ANK2: variants seen among roughly 807,000 people sequenced by gnomAD.
ANK2 encodes ankyrin 2, also known as ankyrin-2.
ANK2 carries 83 observed loss-of-function variants against 360.5 expected under a neutral mutation model. The ratio of observed to expected loss-of-function variants is 0.23; its 90% confidence interval spans 0.19 to 0.28. ANK2 has a LOEUF of 0.28. ANK2 is among the 10% of genes least tolerant of loss of function. The pLI is 1.00. For missense variants in ANK2, 4,201 were observed against 4,795.7 expected (o/e 0.88, Z 3.66); for synonymous variants, 1,740 against 1,759.5 (o/e 0.99, Z 0.28).
intron 2 of ANK2, among the ~76,000 whole-genome samples, chr4:113,188,268 T>C (rs148671172): frequency 6.6e-6 from 1 of 152,360 alleles, no homozygotes; most frequent in African/African-American, 2.4e-5. Flanking sequence ...ATGAAGTTTC[T>C]AATTAATTGT....
At chr4:113,285,938 C>CA (rs1454737298) in intron 18 of ANK2, among the ~76,000 whole-genome samples, 1 of 152,158 alleles carries the variant, frequency 6.6e-6, no homozygotes, top group Non-Finnish European at 1.5e-5. Context: ...CAACTGTGGA[C>CA]AAAAACCTAT....
At chr4:112,816,005 C>T (rs1042710865), upstream of ANK2, among the ~76,000 whole-genome samples, 8 of 152,166 alleles carry the variant, frequency 5.3e-5, no homozygotes, top group African/African-American at 9.7e-5. Context: ...CGGAGTCAGT[C>T]GTGGGAACCC....
At chr4:112,885,672 C>T (rs1333733934) in intron 1 of ANK2, among the ~76,000 whole-genome samples, 1 of 151,374 alleles carries the variant, frequency 6.6e-6, no homozygotes, top group Non-Finnish European at 1.5e-5. Flanking sequence ...TGGCGGGCAC[C>T]TGTAGTCCCA....
At chr4:113,380,809 A>G (rs17614543) in intron 45 of ANK2, among the ~76,000 whole-genome samples, 3,454 of 152,292 alleles carry the variant, frequency 0.023, 85 homozygotes, top group South Asian at 0.09. Context: ...GTTGTCTCTC[A>G]ATGGCTTTTC....
chr4:113,270,813 T>C (rs2058216300), intron 14 of ANK2, among the ~76,000 whole-genome samples: 1 of 152,232 alleles, frequency 6.6e-6, no homozygotes, highest in Non-Finnish European at 1.5e-5. Flanking sequence ...GGGATTATGT[T>C]TCAAGCAGCA....
intron 45 of ANK2, chr4:113,378,210 C>A: frequency 9.5e-7 from 1 of 1,057,738 alleles, no homozygotes; most frequent in East Asian, 6.1e-5. Context: ...TGATGCTTTG[C>A]CAACTAACAC....
At chr4:113,326,646 T>C (rs564094106) in intron 26 of ANK2, among the ~76,000 whole-genome samples, 2 of 152,312 alleles carry the variant, frequency 1.3e-5, no homozygotes, top group African/African-American at 2.4e-5. Flanking sequence ...TTGGTGGGTT[T>C]TTTTGGTTTG....
chr4:112,886,840 T>TA (rs1197076356), intron 1 of ANK2, among the ~76,000 whole-genome samples: 3 of 151,886 alleles, frequency 2.0e-5, no homozygotes, highest in East Asian at 1.9e-4. Flanking sequence ...CACCATATGA[T>TA]AAAAAAAATT....
chr4:113,136,911 C>G (rs1007675515), intron 1 of ANK2, among the ~76,000 whole-genome samples: 1 of 152,014 alleles, frequency 6.6e-6, no homozygotes, highest in Non-Finnish European at 1.5e-5. Context: ...GTGCGTGCCA[C>G]CAGGCCTAGC....
At chr4:112,966,989 G>T (rs1453171983) in intron 2 of ANK2, among the ~76,000 whole-genome samples, 1 of 152,140 alleles carries the variant, frequency 6.6e-6, no homozygotes, top group Non-Finnish European at 1.5e-5. Flanking sequence ...GTATAAGAGT[G>T]ATTTTGGGGT....
chr4:113,224,138 T>G (rs978629772), intron 4 of ANK2, among the ~76,000 whole-genome samples: 2 of 152,220 alleles, frequency 1.3e-5, no homozygotes, highest in African/African-American at 4.8e-5. Context: ...TCTGCCATCA[T>G]CAGTGCTTTA....
At chr4:112,958,001 G>T (rs56213251) in intron 2 of ANK2, among the ~76,000 whole-genome samples, 1 of 151,048 alleles carries the variant, frequency 6.6e-6, no homozygotes, top group East Asian at 2.0e-4. Context: ...ACGATGGGCG[G>T]CGGGGCAGAG....
intron 5 of ANK2, 52 bp from the exon 6 acceptor site, chr4:113,236,935 T>C: frequency 1.9e-6 from 3 of 1,563,470 alleles, no homozygotes; most frequent in South Asian, 1.1e-5. Flanking sequence ...TAGAACTAAA[T>C]CTCTAGCATC....
At chr4:113,094,691 A>G (rs895745620) in intron 1 of ANK2, among the ~76,000 whole-genome samples, 15 of 152,240 alleles carry the variant, frequency 9.9e-5, no homozygotes, top group African/African-American at 2.9e-4. Flanking sequence ...TGACTTATGT[A>G]TAAACCATAA....
chr4:113,341,078 T>C (rs189746722), intron 32 of ANK2, among the ~76,000 whole-genome samples: 46 of 152,336 alleles, frequency 3.0e-4, no homozygotes, highest in African/African-American at 1.1e-3. Flanking sequence ...CTGGAAATCA[T>C]AAAGTCATTA....
intron 2 of ANK2, among the ~76,000 whole-genome samples, chr4:112,938,643 G>A (rs1032096535): frequency 1.3e-5 from 2 of 152,066 alleles, no homozygotes; most frequent in Non-Finnish European, 2.9e-5. Flanking sequence ...ATTTTTATTC[G>A]GCTCAATCAG....
the ANK2 span, among the ~76,000 whole-genome samples, chr4:112,710,500 G>A: frequency 2.2e-4 from 34 of 151,936 alleles, 1 homozygote; most frequent in Non-Finnish European, 3.2e-4. Context: ...GTTCAAGACC[G>A]GCCTGGCCAA....
intron 26 of ANK2, among the ~76,000 whole-genome samples, chr4:113,319,190 C>A (rs1436636157): frequency 6.6e-6 from 1 of 152,082 alleles, no homozygotes; most frequent in African/African-American, 2.4e-5. Context: ...AGTATACACA[C>A]CACTGTTGAA....
chr4:113,019,218 A>T (rs1052236598), intron 2 of ANK2, among the ~76,000 whole-genome samples: 1 of 152,194 alleles, frequency 6.6e-6, no homozygotes, highest in Non-Finnish European at 1.5e-5. Context: ...ATAATATTTA[A>T]TTAAAAGTTC....
Sources: gnomAD v4.1 joint callset for allele counts (sites outside exome capture counted in the v4.1 genomes callset) on GRCh38, gnomAD v4.1.1 for gene constraint, MANE v1.5 for transcripts, NCBI Gene and HGNC (gene_info 2026-07-23, HGNC 2026-07-21) for gene names.